The following STON1 variants were observed in gnomAD, a reference collection of about 807,000 sequenced individuals.
STON1 encodes the protein stonin-1.
STON1 carries 79 observed loss-of-function variants against 60.9 expected under a neutral mutation model. The observed-to-expected ratio is 1.30, with a 90% CI of 1.08 to 1.56. STON1 has a LOEUF of 1.56. Ranked by LOEUF, STON1 falls within the 40% of genes most tolerant of loss-of-function variation. The pLI is 0.00. For synonymous variants in STON1, 363 were observed against 306.9 expected (o/e 1.18, Z -1.91); for missense variants, 1,166 against 858.9 (o/e 1.36, Z -4.47).
At chr2:48,583,884 T>A (rs1467907588) in intron 2 of STON1, among the ~76,000 whole-genome samples, 1 of 151,980 alleles carries the variant, frequency 6.6e-6, no homozygotes, top group Non-Finnish European at 1.5e-5. Context: ...CCGGAGTAGC[T>A]GGAACTACAG....
chr2:48,535,607 G>A (rs901080496), intron 1 of STON1, among the ~76,000 whole-genome samples: 6 of 152,222 alleles, frequency 3.9e-5, no homozygotes, highest in Non-Finnish European at 7.3e-5. Flanking sequence ...CACTTTGGGA[G>A]GCCGACGTGG....
rs760850449 is a variant in STON1 at position 48,581,994 on chromosome 2, G to A, written c.1361G>A (p.Cys454Tyr). 2.5e-6 allele frequency: 4 copies of A among 1,614,038 alleles called. No individual in the cohort carries two copies. The highest frequency in any genetic ancestry group is 1.1e-5 in the South Asian group (1 of 91,084). The change falls in exon 2 of 4, where the codon TGC becomes TAC. Residue 454 changes from cysteine (C) to tyrosine (Y), a missense_variant. Transcript: ENST00000404752. The part of the protein sequence containing the change: ...CLCFVNGNLE[C>Y]FLTLNDLELP... ...TGCTTTGTGAATGGGAACCTGGAATGCTTTTTAACCTTGAATGACCTTGAG... is the reference window on the plus strand; with the variant it reads ...TGCTTTGTGAATGGGAACCTGGAATACTTTTTAACCTTGAATGACCTTGAG...
At chr2:48,582,617 T>C (rs3792235) in intron 2 of STON1, 54 bp downstream of exon 2, 546,424 of 1,557,448 alleles carry the variant, frequency 0.35, 97,417 homozygotes, top group South Asian at 0.43. Context: ...TAAATATTCT[T>C]ACCTTCCTCC....
chr2:48,533,681 AAG>A (rs1491170142), intron 1 of STON1, among the ~76,000 whole-genome samples: 1 of 151,480 alleles, frequency 6.6e-6, no homozygotes, highest in Non-Finnish European at 1.5e-5. Flanking sequence ...AAAAAAAAAA[AAG>A]AGATAAAAGA....
At chr2:48,542,279 C>T (rs987429632) in intron 1 of STON1, among the ~76,000 whole-genome samples, 3 of 152,194 alleles carry the variant, frequency 2.0e-5, no homozygotes. Context: ...TCCTCTGGCC[C>T]TTTTAAGAGC....
intron 1 of STON1, among the ~76,000 whole-genome samples, chr2:48,539,724 C>G (rs984665737): frequency 2.0e-5 from 3 of 152,100 alleles, no homozygotes; most frequent in Admixed American, 6.6e-5. Flanking sequence ...CAATGGGCCT[C>G]AGCTTTCTAA....
rs1388048503 is a variant in STON1 at position 48,561,205 on chromosome 2, C to T, written c.-47-19382C>T. On this transcript the variant is annotated intron_variant, in intron 1 of 3. Transcript: ENST00000404752. ...GGCTTCCATGTGGACATACCTCAGA[C>T]CTGACCAATGTGCATAAAACCAGCT... Among the ~76,000 whole-genome samples, 4 of 152,270 alleles carry T rather than the reference C, an allele frequency of 2.6e-5. No individual in the cohort carries two copies. The East Asian group carries it at 7.7e-4, about 29-fold the overall frequency.
At chr2:48,555,469 T>C (rs1672303844) in intron 1 of STON1, among the ~76,000 whole-genome samples, 1 of 86,896 alleles carries the variant, frequency 1.2e-5, no homozygotes, top group Admixed American at 1.0e-4. Flanking sequence ...CCCACCTCCC[T>C]CCCGGACGGG....
chr2:48,593,228 G>T (rs925043835), intron 3 of STON1, among the ~76,000 whole-genome samples: 2 of 133,454 alleles, frequency 1.5e-5, no homozygotes, highest in African/African-American at 5.0e-5. Context: ...TAATTCTCCT[G>T]CCTCAGCCTC....
chr2:48,531,240 C>G (rs1337570133), intron 1 of STON1: 1 of 152,118 alleles, frequency 6.6e-6, no homozygotes, highest in South Asian at 2.1e-4. Context: ...GTTGGTATTC[C>G]CAGCCTGGCA....
chr2:48,578,427 T>C (rs1050530682), intron 1 of STON1, among the ~76,000 whole-genome samples: 1 of 152,160 alleles, frequency 6.6e-6, no homozygotes, highest in Non-Finnish European at 1.5e-5. Context: ...TCCTTTTTTT[T>C]CTTTTTTTAA....
At chr2:48,547,530 G>A (rs997123295) in intron 1 of STON1, among the ~76,000 whole-genome samples, 2 of 152,216 alleles carry the variant, frequency 1.3e-5, no homozygotes, top group Non-Finnish European at 2.9e-5. Flanking sequence ...TCCCATGGTC[G>A]TGCGGGGTCA....
chr2:48,570,160 C>T (rs1324566030), intron 1 of STON1, among the ~76,000 whole-genome samples: 3 of 152,116 alleles, frequency 2.0e-5, no homozygotes, highest in African/African-American at 7.2e-5. Flanking sequence ...CATGGCGAAA[C>T]CCCATCTCTA....
At chr2:48,551,439 A>ACCCTGC (rs145572740) in intron 1 of STON1, among the ~76,000 whole-genome samples, 7,728 of 152,110 alleles carry the variant, frequency 0.051, 640 homozygotes, top group African/African-American at 0.17. Flanking sequence ...AGCCCCTCTG[A>ACCCTGC]CCCTGCCCCT....
chr2:48,544,049 G>A (rs1225797718), intron 1 of STON1, among the ~76,000 whole-genome samples: 1 of 152,134 alleles, frequency 6.6e-6, no homozygotes, highest in African/African-American at 2.4e-5. Flanking sequence ...AAATCTGCCT[G>A]TTTCACAACA....
chr2:48,541,015 T>C (rs896563493), intron 1 of STON1, among the ~76,000 whole-genome samples: 22 of 152,260 alleles, frequency 1.4e-4, no homozygotes, highest in Non-Finnish European at 2.8e-4. Flanking sequence ...ACTGAGGTTC[T>C]TAACTCCTAA....
chr2:48,576,434 C>T (rs1359298516), intron 1 of STON1, among the ~76,000 whole-genome samples: 1 of 151,550 alleles, frequency 6.6e-6, no homozygotes, highest in Admixed American at 6.6e-5. Flanking sequence ...AAGTGATCCT[C>T]CCGCCTCGGC....
At chr2:48,570,177 A>G (rs1401650955) in intron 1 of STON1, among the ~76,000 whole-genome samples, 2 of 152,170 alleles carry the variant, frequency 1.3e-5, no homozygotes, top group Non-Finnish European at 2.9e-5. Flanking sequence ...TCTACTAAAA[A>G]TACAAAAATT....
intron 1 of STON1, among the ~76,000 whole-genome samples, chr2:48,579,698 G>C (rs1443711904): frequency 6.6e-6 from 1 of 152,114 alleles, no homozygotes; most frequent in Non-Finnish European, 1.5e-5. Context: ...GCTGCTGTTA[G>C]GTGGAATGTT....
Sources: gnomAD v4.1 joint callset for allele counts (sites outside exome capture counted in the v4.1 genomes callset) on GRCh38, gnomAD v4.1.1 for gene constraint, MANE v1.5 for transcripts, NCBI Gene and HGNC (gene_info 2026-07-23, HGNC 2026-07-21) for gene names.